Variants in GLI3 observed in about 807,000 individuals in gnomAD.
The protein encoded by GLI3 is GLI family zinc finger 3.
In GLI3, 20 loss-of-function variants were observed where a neutral mutation model predicts 100.8. The ratio of observed to expected loss-of-function variants is 0.20; its 90% CI spans 0.14 to 0.29. The LOEUF (loss-of-function observed/expected upper bound fraction) is 0.29. Ranked by LOEUF, GLI3 falls within the 10% of genes least tolerant of loss-of-function variation. GLI3 has a pLI of 1.00. For synonymous variants in GLI3, 938 were observed against 860.5 expected, an observed-to-expected ratio of 1.09 and a Z score of -1.58; for missense variants, 2,040 against 2,128.5, an observed-to-expected ratio of 0.96 and a Z score of 0.82.
intron 3 of GLI3, 152 bp downstream of exon 3, chr7:42,148,074 G>A (rs1359691100): frequency 1.3e-6 from 1 of 766,948 alleles, no homozygotes; most frequent in Non-Finnish European, 2.0e-6. Flanking sequence ...AAGTAAGAAG[G>A]AAAGTGGAAA....
At chr7:42,153,970 T>A (rs1166404156) in intron 2 of GLI3, among the ~76,000 whole-genome samples, 1 of 152,028 alleles carries the variant, frequency 6.6e-6, no homozygotes, top group Non-Finnish European at 1.5e-5. Context: ...CTTCCCAGTA[T>A]GCTTTACTGA....
At chr7:42,205,391 G>T (rs1788128592) in intron 2 of GLI3, among the ~76,000 whole-genome samples, 1 of 152,120 alleles carries the variant, frequency 6.6e-6, no homozygotes, top group South Asian at 2.1e-4. Context: ...CCACTATTAA[G>T]TAACTCCCAG....
At chr7:41,971,114 C>T (rs996925604) in intron 13 of GLI3, among the ~76,000 whole-genome samples, 10 of 152,162 alleles carry the variant, frequency 6.6e-5, no homozygotes, top group Non-Finnish European at 1.2e-4. Flanking sequence ...AAGACAAACT[C>T]AGTAAGTCAT....
intron 2 of GLI3, among the ~76,000 whole-genome samples, chr7:42,191,108 A>G (rs1018180110): frequency 6.6e-6 from 1 of 152,196 alleles, no homozygotes; most frequent in African/African-American, 2.4e-5. Context: ...TCAATGTTAC[A>G]TAAAACAGAA....
intron 2 of GLI3, among the ~76,000 whole-genome samples, chr7:42,198,920 A>G (rs1448440715): frequency 1.7e-5 from 2 of 116,806 alleles, no homozygotes; most frequent in Non-Finnish European, 3.5e-5. Context: ...AAACTCTAAG[A>G]AAAAGTTTCT....
At chr7:42,112,862 C>G (rs1012088283) in intron 3 of GLI3, among the ~76,000 whole-genome samples, 2 of 151,982 alleles carry the variant, frequency 1.3e-5, no homozygotes, top group Admixed American at 6.6e-5. Context: ...AGAGAGGAGA[C>G]ATTCAGTTAA....
intron 4 of GLI3, among the ~76,000 whole-genome samples, chr7:42,063,589 T>C (rs1309179201): frequency 6.6e-6 from 1 of 152,204 alleles, no homozygotes; most frequent in Non-Finnish European, 1.5e-5. Flanking sequence ...TAAAACACTA[T>C]AGATTGTAAA....
intron 9 of GLI3, 39 bp from the exon 10 acceptor site, chr7:42,023,647 G>C (rs376473050): frequency 1.3e-6 from 2 of 1,585,484 alleles, no homozygotes; most frequent in East Asian, 4.5e-5. Context: ...CAGAGAAGGG[G>C]GAAGAATCAG....
chr7:41,994,375 C>A (rs1047943044), intron 10 of GLI3, among the ~76,000 whole-genome samples: 1 of 152,098 alleles, frequency 6.6e-6, no homozygotes, highest in African/African-American at 2.4e-5. Context: ...GAAATCTTGC[C>A]CCCTATCATG....
chr7:42,130,613 A>G (rs1471434188), intron 3 of GLI3, among the ~76,000 whole-genome samples: 2 of 152,210 alleles, frequency 1.3e-5, no homozygotes, highest in African/African-American at 2.4e-5. Context: ...GATATCAGAG[A>G]AAAGAGAAGA....
chr7:42,094,140 G>A (rs1019997745), intron 3 of GLI3, among the ~76,000 whole-genome samples: 4 of 152,120 alleles, frequency 2.6e-5, no homozygotes, highest in African/African-American at 7.2e-5. Flanking sequence ...TGCACTGCCC[G>A]CCCTTCAAAT....
chr7:42,133,807 C>T (rs1002694727), intron 3 of GLI3, among the ~76,000 whole-genome samples: 3 of 152,020 alleles, frequency 2.0e-5, no homozygotes, highest in African/African-American at 7.2e-5. Context: ...CCTAGCTGGG[C>T]GTGGTGGCTC....
At chr7:42,034,683 A>G (rs1242791509) in intron 7 of GLI3, among the ~76,000 whole-genome samples, 1 of 152,024 alleles carries the variant, frequency 6.6e-6, no homozygotes, top group East Asian at 1.9e-4. Flanking sequence ...GTATCTTGTC[A>G]TCATCCTATA....
At chr7:42,032,772 A>G (rs1789329234) in intron 7 of GLI3, among the ~76,000 whole-genome samples, 1 of 152,206 alleles carries the variant, frequency 6.6e-6, no homozygotes, top group African/African-American at 2.4e-5. Flanking sequence ...ATATAAAAAT[A>G]AAGAAAACAA....
intron 1 of GLI3, among the ~76,000 whole-genome samples, chr7:42,254,387 T>G (rs1281544839): frequency 6.6e-6 from 1 of 152,086 alleles, no homozygotes; most frequent in African/African-American, 2.4e-5. Flanking sequence ...ATCCTATCTT[T>G]ATAGGTTGGC....
At chr7:42,087,398 C>T (rs846315) in intron 3 of GLI3, among the ~76,000 whole-genome samples, 39,748 of 152,138 alleles carry the variant, frequency 0.26, 5,555 homozygotes, top group Admixed American at 0.37. Flanking sequence ...AGCTTCCAGC[C>T]TGACCAGGCT....
intron 3 of GLI3, among the ~76,000 whole-genome samples, chr7:42,121,819 C>T (rs935294137): frequency 1.4e-4 from 21 of 152,178 alleles, no homozygotes; most frequent in Admixed American, 1.2e-3. Context: ...AACCAGAGAG[C>T]AGTAACAGAA....
At position 42,023,468 on chromosome 7, in the gene GLI3, G is replaced by C. The variant is rs539144173; in HGVS notation, c.1497C>G (p.His499Gln). ...REFDTQEQLV[H>Q]HINNDHIHGE... ...CGGTTCCTGAATACCATCCACTTAC[G>C]TGCACAAGCTGCTCTTGGGTGTCGA... The change falls in exon 10 of 15, where the codon CAC (histidine) becomes CAG (glutamine). Residue 499 changes from histidine to glutamine, a missense_variant and splice_region_variant. His to Gln is a conservative substitution (Grantham distance 24). Coordinates refer to ENST00000395925, the MANE Select transcript of GLI3 (RefSeq NM_000168.6). The C allele has an allele frequency of 8.1e-6, 13 of 1,613,982 alleles. No individual in the cohort carries two copies. Among genetic ancestry groups the C allele is most frequent in the Admixed American group, 1.7e-5 (1 of 60,006 alleles).
chr7:42,249,621 T>C (rs557470053), intron 1 of GLI3, among the ~76,000 whole-genome samples: 264 of 152,302 alleles, frequency 1.7e-3, no homozygotes, highest in African/African-American at 6.2e-3. Context: ...ATCTATTTCA[T>C]AGGGTGCTTG....
Sources: allele counts gnomAD v4.1 joint callset (sites outside exome capture counted in the v4.1 genomes callset), GRCh38; gene constraint gnomAD v4.1.1; transcripts MANE v1.5; gene names NCBI Gene and HGNC (gene_info 2026-07-23, HGNC 2026-07-21).